The following SLC9A4 variants were observed in gnomAD, a reference collection of about 807,000 sequenced individuals.
SLC9A4 encodes solute carrier family 9 member A4, also known as sodium/hydrogen exchanger 4.
Under a neutral mutation model 67.4 loss-of-function variants are expected in SLC9A4, and 63 were observed. The observed-to-expected ratio is 0.93, with a 90% CI of 0.76 to 1.15. SLC9A4 has a LOEUF of 1.15. Among genes scored for constraint, SLC9A4 ranks in the 50% most tolerant of loss-of-function variants. The probability of loss-of-function intolerance (pLI) is 0.00; values close to 1 mark genes in which losing one functional copy is unlikely to be tolerated. For synonymous variants in SLC9A4, 393 were observed against 367.2 expected, an observed-to-expected ratio of 1.07 and a Z score of -0.80; for missense variants, 1,089 against 987.7, an observed-to-expected ratio of 1.10 and a Z score of -1.38.
Position 102,512,268 on chromosome 2 carries a change from A to T in SLC9A4, c.1554A>T (p.Arg518Ser). Residue 518 changes from arginine to serine, a missense_variant, in exon 7 of 12, where the codon AGA becomes AGT. Transcript: ENST00000295269. ...VCGHWSHYQV[R>S]DKFKKFDHRY... is the part of the protein sequence containing the mutation. The stretch of plus-strand genomic sequence containing the variant: ...GGCACTGGAGTCACTACCAAGTGAG[A>T]GACAAGTAAGGAGGCTGAGGGTTTC... The T allele has an allele frequency of 6.2e-7, 1 of 1,614,094 alleles. No homozygotes were observed. Among genetic ancestry groups the T allele is most frequent in the Middle Eastern group, 1.6e-4 (1 of 6,062 alleles).
chr2:102,519,964 G>A lies in SLC9A4; in HGVS notation c.1818+9G>A. The A allele has an allele frequency of 6.2e-7, 1 of 1,611,966 alleles. No homozygotes were observed. Among genetic ancestry groups the A allele is most frequent in the Middle Eastern group, 1.7e-4 (1 of 6,048 alleles). On this transcript the variant is annotated intron_variant, in intron 9 of 11. Transcript: ENST00000295269. Reference sequence around the variant, plus strand: ...ACCAAGTTCGGCAAAGGGTGTGTATGAGCCACCTGTGTTGTCCCCATTTTC... The same window carrying A: ...ACCAAGTTCGGCAAAGGGTGTGTATAAGCCACCTGTGTTGTCCCCATTTTC...
At chr2:102,476,634 A>G (rs1367380243) in intron 1 of SLC9A4, among the ~76,000 whole-genome samples, 2 of 152,178 alleles carry the variant, frequency 1.3e-5, no homozygotes, top group Non-Finnish European at 2.9e-5. Context: ...TATTGAAAAA[A>G]GTTAAGTTTG....
Position 102,503,649 on chromosome 2 carries a change from AT to A in SLC9A4, c.923del (p.Met308SerfsTer8). Reference sequence around the variant, plus strand: ...TGCAATTGAGCCACTCATCGTCTTCATGTTCAGCTATTTGTCTTACTTAGCT... The same window carrying A: ...TGCAATTGAGCCACTCATCGTCTTCAGTTCAGCTATTTGTCTTACTTAGCT... ...ISAIEPLIVF[M>X]FSYLSYLAAE... On this transcript the variant is annotated frameshift_variant, in exon 3 of 12. Coordinates refer to ENST00000295269, the MANE Select transcript of SLC9A4 (RefSeq NM_001011552.4). LOFTEE classifies it high-confidence loss of function. 5 of 1,614,152 alleles carry A rather than the reference AT, an allele frequency of 3.1e-6. No individual in the cohort carries two copies. The highest frequency in any genetic ancestry group is 4.2e-6 in the Non-Finnish European group (5 of 1,180,030).
chr2:102,508,097 A>C lies in SLC9A4; in HGVS notation c.1217A>C (p.Tyr406Ser), dbSNP rs962229962. 1 of 1,614,132 alleles carries C rather than the reference A, an allele frequency of 6.2e-7. No individual in the cohort carries two copies. Among genetic ancestry groups the C allele is most frequent in the Non-Finnish European group, 8.5e-7 (1 of 1,180,016 alleles). The change falls in exon 5 of 12, where the codon TAT becomes TCT. Residue 406 changes from tyrosine (Y) to serine (S), a missense_variant. By Grantham distance (144) the Tyr-to-Ser change is moderately radical. Transcript: ENST00000295269. ...TTTCTAGGCGTATTTGCTCTCTTCT[A>C]TATCAGTAACCAGTTTCGGACTTTC... ...WRAISVFALFYISNQFRTFPF... is the reference protein window; with the variant it reads ...WRAISVFALFSISNQFRTFPF...
intron 2 of SLC9A4, among the ~76,000 whole-genome samples, chr2:102,489,310 A>T (rs1030024): frequency 0.25 from 38,024 of 151,998 alleles, 5,602 homozygotes; most frequent in African/African-American, 0.41. Flanking sequence ...GTGGAGGTGG[A>T]TGATAGTATT....
intron 9 of SLC9A4, among the ~76,000 whole-genome samples, chr2:102,522,589 T>C (rs1685451430): frequency 6.6e-6 from 1 of 152,144 alleles, no homozygotes; most frequent in African/African-American, 2.4e-5. Flanking sequence ...GAAATCCTAC[T>C]AGCAATACAT....
At chr2:102,490,424 G>A (rs1024891564) in intron 2 of SLC9A4, among the ~76,000 whole-genome samples, 2 of 152,186 alleles carry the variant, frequency 1.3e-5, no homozygotes, top group African/African-American at 4.8e-5. Context: ...CTACCTTCTT[G>A]CTTTGTCCTT....
chr2:102,474,610 A>T (rs771565660), intron 1 of SLC9A4, among the ~76,000 whole-genome samples: 8 of 152,200 alleles, frequency 5.3e-5, no homozygotes, highest in African/African-American at 1.7e-4. Flanking sequence ...CCAGTGAGGC[A>T]CCTCTAATTT....
At chr2:102,487,876 G>C (rs1684620068) in intron 2 of SLC9A4, among the ~76,000 whole-genome samples, 1 of 152,218 alleles carries the variant, frequency 6.6e-6, no homozygotes, top group African/African-American at 2.4e-5. Context: ...AAAAGCGCAT[G>C]GGAGAAGTTC....
At chr2:102,518,457 G>T (rs1177198521) in intron 8 of SLC9A4, among the ~76,000 whole-genome samples, 1 of 152,112 alleles carries the variant, frequency 6.6e-6, no homozygotes, top group African/African-American at 2.4e-5. Flanking sequence ...TAAACAGTTA[G>T]GTTTAAATGC....
At chr2:102,489,701 C>T (rs1558661930) in intron 2 of SLC9A4, among the ~76,000 whole-genome samples, 1 of 152,212 alleles carries the variant, frequency 6.6e-6, no homozygotes, top group Non-Finnish European at 1.5e-5. Flanking sequence ...CCAGAGATCT[C>T]AACCCCATGA....
At chr2:102,507,724 C>T (rs1685078616) in intron 4 of SLC9A4, among the ~76,000 whole-genome samples, 1 of 152,072 alleles carries the variant, frequency 6.6e-6, no homozygotes. Context: ...TCAACAATAT[C>T]CTTGCTTTGA....
chr2:102,479,643 A>C (rs1486057340), intron 2 of SLC9A4, among the ~76,000 whole-genome samples: 1 of 152,230 alleles, frequency 6.6e-6, no homozygotes, highest in Non-Finnish European at 1.5e-5. Flanking sequence ...CAGCTAAAGC[A>C]GAAACTGATG....
Position 102,532,654 on chromosome 2 carries a change from A to T in SLC9A4, c.2363A>T (p.His788Leu), listed in dbSNP as rs1348303275. ...TADHGHGRDH[H>L]RSHSPLLQKK Reference sequence around the variant, plus strand: ...GACCATGGACACGGCAGGGACCATCACAGGTCCCATAGTCCTTTGCTCCAA... The same window carrying T: ...GACCATGGACACGGCAGGGACCATCTCAGGTCCCATAGTCCTTTGCTCCAA... The change falls in exon 12 of 12, where the codon CAC (histidine) becomes CTC (leucine). Residue 788 changes from histidine to leucine, a missense_variant. Coordinates refer to ENST00000295269, the MANE Select transcript of SLC9A4 (RefSeq NM_001011552.4). 6.2e-7 allele frequency: 1 copy of T among 1,613,986 alleles called. No individual in the cohort carries two copies. The highest frequency in any genetic ancestry group is 8.5e-7 in the Non-Finnish European group (1 of 1,179,978).
At chr2:102,515,343 C>A (rs1685254685) in intron 8 of SLC9A4, among the ~76,000 whole-genome samples, 1 of 150,358 alleles carries the variant, frequency 6.7e-6, no homozygotes, top group African/African-American at 2.4e-5. Context: ...CTTACATGGC[C>A]TGAGAAGAAT....
intron 11 of SLC9A4, among the ~76,000 whole-genome samples, chr2:102,528,726 G>C (rs1179784440): frequency 6.6e-6 from 1 of 152,174 alleles, no homozygotes; most frequent in Non-Finnish European, 1.5e-5. Context: ...GTTTATTCCA[G>C]AATTTGAGAG....
At chr2:102,508,315 G>C in intron 5 of SLC9A4, 34 bp downstream of exon 5, 1 of 1,515,564 alleles carries the variant, frequency 6.6e-7, no homozygotes, top group Non-Finnish European at 9.0e-7. Context: ...AAATAAATAG[G>C]TTATTTCAGG....
chr2:102,486,071 A>T (rs2104418990), intron 2 of SLC9A4, among the ~76,000 whole-genome samples: 1 of 152,294 alleles, frequency 6.6e-6, no homozygotes, highest in Middle Eastern at 3.4e-3. Flanking sequence ...CTCCTGCTTT[A>T]TATTTTCCTG....
intron 4 of SLC9A4, chr2:102,505,743 A>G (rs1422693005): frequency 2.7e-6 from 1 of 374,696 alleles, no homozygotes; most frequent in Non-Finnish European, 4.8e-6. Flanking sequence ...ACATCTACCT[A>G]TTTAAATATA....
Sources: allele counts gnomAD v4.1 joint callset (sites outside exome capture counted in the v4.1 genomes callset), GRCh38; gene constraint gnomAD v4.1.1; transcripts MANE v1.5; gene names NCBI Gene and HGNC (gene_info 2026-07-23, HGNC 2026-07-21).